The following RBFOX1 variants were observed in gnomAD, a reference collection of about 807,000 sequenced individuals.
The protein encoded by RBFOX1 is RNA binding fox-1 homolog 1, also known as RNA binding protein fox-1 homolog 1.
In RBFOX1, 8 loss-of-function variants were observed where a neutral mutation model predicts 57.7. The observed-to-expected ratio is 0.14, with a 90% CI of 0.08 to 0.25. RBFOX1 has a LOEUF of 0.25. RBFOX1 is among the 10% of genes least tolerant of loss of function. The probability of loss-of-function intolerance (pLI) is 1.00; values close to 1 mark genes in which losing one functional copy is unlikely to be tolerated. For synonymous variants in RBFOX1, 326 were observed against 222.4 expected (o/e 1.47, Z -4.15); for missense variants, 611 against 548.5 (o/e 1.11, Z -1.14).
intron 14 of RBFOX1, among the ~76,000 whole-genome samples, chr16:7,697,375 G>C (rs1024516877): frequency 6.6e-6 from 1 of 152,118 alleles, no homozygotes; most frequent in African/African-American, 2.4e-5. Flanking sequence ...GGAGCACCAA[G>C]GCTTTAATCC....
At chr16:6,528,792 C>T (rs899940070) in intron 2 of RBFOX1, among the ~76,000 whole-genome samples, 6 of 152,128 alleles carry the variant, frequency 3.9e-5, no homozygotes, top group Non-Finnish European at 7.3e-5. Context: ...TGCTTCAACC[C>T]ACTAGGTGAC....
chr16:5,527,027 G>A (rs867908101), intron 2 of RBFOX1, among the ~76,000 whole-genome samples: 50 of 152,146 alleles, frequency 3.3e-4, no homozygotes, highest in African/African-American at 1.2e-3. Context: ...TCAGCATAGC[G>A]CTTGGGACGG....
At chr16:7,086,232 G>A (rs1265788734) in intron 4 of RBFOX1, among the ~76,000 whole-genome samples, 1 of 152,080 alleles carries the variant, frequency 6.6e-6, no homozygotes, top group Non-Finnish European at 1.5e-5. Flanking sequence ...TTGACATTTT[G>A]CCATGCGCAG....
chr16:7,311,036 A>G (rs756514209), intron 4 of RBFOX1, among the ~76,000 whole-genome samples: 10 of 152,160 alleles, frequency 6.6e-5, no homozygotes, highest in Admixed American at 6.5e-5. Context: ...CCTTGACCCA[A>G]TTTGCAAGGG....
intron 3 of RBFOX1, among the ~76,000 whole-genome samples, chr16:6,919,868 T>G (rs574357493): frequency 3.3e-5 from 5 of 151,592 alleles, no homozygotes; most frequent in Non-Finnish European, 7.4e-5. Context: ...TTTCTGAGAT[T>G]TTGGTGCACC....
In RBFOX1 at chr16:7,133,251, A is replaced by G. The variant is rs192836172; in HGVS notation, c.27+81153A>G. The stretch of plus-strand genomic sequence containing the variant: ...TATTTTCAATATATGACAGAATTTT[A>G]TATTTTGAACAAGATATTGTTTTGT... On this transcript the variant is annotated intron_variant, in intron 4 of 15. Coordinates refer to ENST00000550418, the MANE Select transcript of RBFOX1 (RefSeq NM_018723.4). Among the ~76,000 whole-genome samples, 285 of 152,326 alleles carry G rather than the reference A, an allele frequency of 1.9e-3. 4 individuals are homozygous for G. The highest frequency in any genetic ancestry group is 6.4e-3 in the African/African-American group (266 of 41,576).
intron 2 of RBFOX1, among the ~76,000 whole-genome samples, chr16:6,586,265 C>A (rs992885920): frequency 6.6e-6 from 1 of 152,168 alleles, no homozygotes; most frequent in Non-Finnish European, 1.5e-5. Flanking sequence ...TTTCTTTGAA[C>A]CACTCGTCTT....
rs535564372 is a variant in RBFOX1, at chr16:6,239,838, C to T, written c.-126-77157C>T. On this transcript the variant is annotated intron_variant, in intron 1 of 15. Coordinates refer to ENST00000550418, the MANE Select transcript of RBFOX1 (RefSeq NM_018723.4). ...AACATTTTCTTTTTTTGAATTGATA[C>T]GACAGACTTTATTGACATCATAAAA... Among the ~76,000 whole-genome samples the T allele has an allele frequency of 3.9e-5, 6 of 152,116 alleles. No individual in the cohort carries two copies. In the South Asian group the frequency reaches 1.0e-3, roughly 26 times the overall value.
chr16:5,268,841 A>T (rs1163610264), intron 1 of RBFOX1, among the ~76,000 whole-genome samples: 1 of 152,082 alleles, frequency 6.6e-6, no homozygotes, highest in East Asian at 1.9e-4. Context: ...CAGTGGCTAC[A>T]CCATTTTAAC....
intron 4 of RBFOX1, among the ~76,000 whole-genome samples, chr16:5,938,911 T>C (rs1276073177): frequency 6.6e-6 from 1 of 152,196 alleles, no homozygotes; most frequent in Non-Finnish European, 1.5e-5. Context: ...ATGGCTATTA[T>C]GTTAAAAAAG....
At chr16:6,726,784 A>C (rs549198607) in intron 3 of RBFOX1, among the ~76,000 whole-genome samples, 7 of 151,930 alleles carry the variant, frequency 4.6e-5, no homozygotes, top group Non-Finnish European at 8.8e-5. Flanking sequence ...CGTAATTGCT[A>C]TGTTCCCTAC....
At chr16:6,739,196 T>TA (rs1951064142) in intron 3 of RBFOX1, among the ~76,000 whole-genome samples, 1 of 149,854 alleles carries the variant, frequency 6.7e-6, no homozygotes, top group Admixed American at 6.6e-5. Context: ...GCTAGTTCTT[T>TA]AAAAATATAG....
chr16:5,588,755 G>C (rs1326439938), intron 2 of RBFOX1, among the ~76,000 whole-genome samples: 1 of 152,158 alleles, frequency 6.6e-6, no homozygotes, highest in Non-Finnish European at 1.5e-5. Flanking sequence ...GAGGGTCGGG[G>C]GGAAATGGAG....
intron 4 of RBFOX1, among the ~76,000 whole-genome samples, chr16:5,943,384 C>T (rs2059321589): frequency 6.6e-6 from 1 of 152,168 alleles, no homozygotes; most frequent in Non-Finnish European, 1.5e-5. Flanking sequence ...TGTAGGGTTT[C>T]CCTGGGTCCA....
chr16:5,724,772 G>T (rs1486130379), intron 3 of RBFOX1, among the ~76,000 whole-genome samples: 1 of 152,148 alleles, frequency 6.6e-6, no homozygotes, highest in Non-Finnish European at 1.5e-5. Flanking sequence ...GCACCATACT[G>T]GGTGCTTATA....
chr16:6,162,720 A>C (rs188718665), intron 1 of RBFOX1, among the ~76,000 whole-genome samples: 2 of 152,168 alleles, frequency 1.3e-5, no homozygotes. Context: ...TGGGCATACA[A>C]TGTGCTTTTG....
chr16:5,773,660 G>A (rs1250901282), intron 3 of RBFOX1, among the ~76,000 whole-genome samples: 1 of 152,164 alleles, frequency 6.6e-6, no homozygotes, highest in Non-Finnish European at 1.5e-5. Flanking sequence ...GATTATTTCT[G>A]AAAAATAGAA....
At chr16:5,764,509 A>G (rs1165900283) in intron 3 of RBFOX1, among the ~76,000 whole-genome samples, 1 of 152,216 alleles carries the variant, frequency 6.6e-6, no homozygotes, top group Non-Finnish European at 1.5e-5. Context: ...GTTTCTTTAC[A>G]GCAATGCAAG....
At chr16:7,234,705 T>C (rs1437034995) in intron 4 of RBFOX1, among the ~76,000 whole-genome samples, 3 of 146,704 alleles carry the variant, frequency 2.0e-5, no homozygotes, top group South Asian at 2.2e-4. Flanking sequence ...ATATATGTTA[T>C]ATATATAAGT....
Sources: allele counts gnomAD v4.1 joint callset (sites outside exome capture counted in the v4.1 genomes callset), GRCh38; gene constraint gnomAD v4.1.1; transcripts MANE v1.5; gene names NCBI Gene and HGNC (gene_info 2026-07-23, HGNC 2026-07-21).